Variants in PLPP1 observed in about 807,000 individuals in gnomAD.
PLPP1 encodes phospholipid phosphatase 1, also known as lipid phosphate phosphohydrolase 1a.
Under a neutral mutation model 31.2 loss-of-function variants are expected in PLPP1, and 24 were observed. That is an observed-to-expected ratio of 0.77 (90% CI 0.56 to 1.08). PLPP1 has a LOEUF of 1.08. PLPP1 is among the 50% of genes least tolerant of loss of function. The pLI is 0.00. For missense variants in PLPP1, 319 were observed against 342.7 expected, an observed-to-expected ratio of 0.93 and a Z score of 0.55; for synonymous variants, 146 against 126.3, an observed-to-expected ratio of 1.16 and a Z score of -1.05.
chr5:55,528,937 A>C (rs1208317771), intron 1 of PLPP1, among the ~76,000 whole-genome samples: 1 of 152,118 alleles, frequency 6.6e-6, no homozygotes, highest in Non-Finnish European at 1.5e-5. Flanking sequence ...GAACATACCC[A>C]ATTTTGACTA....
intron 2 of PLPP1, among the ~76,000 whole-genome samples, chr5:55,470,024 C>T (rs1433811480): frequency 6.6e-6 from 1 of 152,138 alleles, no homozygotes; most frequent in Admixed American, 6.5e-5. Flanking sequence ...TAATTATAGT[C>T]CTTAACATGA....
rs766819694 is a variant in PLPP1, at chr5:55,468,125, CAG to C, written c.233_234del (p.Ser78CysfsTer4). 2 of 1,602,560 alleles carry C rather than the reference CAG, an allele frequency of 1.2e-6. No homozygotes were observed. Among genetic ancestry groups the C allele is most frequent in the Non-Finnish European group, 1.7e-6 (2 of 1,173,620 alleles). On this transcript the variant is annotated frameshift_variant, in exon 3 of 6. Transcript: ENST00000307259. LOFTEE classifies it high-confidence loss of function. Reference protein sequence around the residue: ...IIVIILGETLSVYCNLLHSNS... With the variant: ...IIVIILGETLXVYCNLLHSNS... ...TTTGAGTGCAAAAGGTTACAGTAAA[CAG>C]ACAGGGTTTCTCCAAGAATAATCTG...
chr5:55,458,565 G>GAACA (rs1330458711), intron 3 of PLPP1, among the ~76,000 whole-genome samples: 1 of 152,018 alleles, frequency 6.6e-6, no homozygotes, highest in Non-Finnish European at 1.5e-5. Context: ...AGTATAGGAA[G>GAACA]AACAGTAACA....
chr5:55,523,337 A>AT (rs1026647058), intron 1 of PLPP1, among the ~76,000 whole-genome samples: 1 of 151,970 alleles, frequency 6.6e-6, no homozygotes, highest in Non-Finnish European at 1.5e-5. Flanking sequence ...CATTCTACCT[A>AT]TTTTTTGTAC....
intron 3 of PLPP1, among the ~76,000 whole-genome samples, chr5:55,465,377 T>C (rs144136705): frequency 6.6e-6 from 1 of 152,118 alleles, no homozygotes; most frequent in Non-Finnish European, 1.5e-5. Flanking sequence ...ATTGCATTCA[T>C]AAATATGTAT....
chr5:55,438,590 G>A (rs1335821127), intron 4 of PLPP1, among the ~76,000 whole-genome samples: 2 of 152,108 alleles, frequency 1.3e-5, no homozygotes, highest in Non-Finnish European at 2.9e-5. Context: ...GAATTCGGGG[G>A]TGGGGCTTAG....
Position 55,491,095 on chromosome 5 carries a change from A to G in PLPP1, c.59-15645T>C, listed in dbSNP as rs774515762. 1.9e-6 allele frequency: 3 copies of G among 1,613,794 alleles called. No individual in the cohort carries two copies. In the South Asian group the frequency reaches 3.3e-5, roughly 18 times the overall value. On this transcript the variant is annotated intron_variant, in intron 1 of 5. Coordinates refer to ENST00000307259, the MANE Select transcript of PLPP1 (RefSeq NM_003711.4). ...ATGGATATATTTGGCCCAATTTTAGAACAGCCATAGGCATGGAAGCTGTTG... is the reference window on the plus strand; with the variant it reads ...ATGGATATATTTGGCCCAATTTTAGGACAGCCATAGGCATGGAAGCTGTTG...
intron 1 of PLPP1, among the ~76,000 whole-genome samples, chr5:55,478,262 C>T (rs1752599403): frequency 6.6e-6 from 1 of 151,998 alleles, no homozygotes; most frequent in Non-Finnish European, 1.5e-5. Flanking sequence ...AAACCCCATA[C>T]AAAGGATAAT....
At chr5:55,467,718 T>C in intron 3 of PLPP1, 151 bp downstream of exon 3, 1 of 823,314 alleles carries the variant, frequency 1.2e-6, no homozygotes, top group Non-Finnish European at 1.8e-6. Flanking sequence ...AAAGGCATGA[T>C]GAGAGAGAAC....
At chr5:55,508,878 T>A (rs971861618) in intron 1 of PLPP1, 2 of 154,144 alleles carry the variant, frequency 1.3e-5, no homozygotes, top group Non-Finnish European at 2.9e-5. Flanking sequence ...TAAAACGTTC[T>A]AAATAAAGTG....
intron 1 of PLPP1, among the ~76,000 whole-genome samples, chr5:55,496,858 C>T (rs2111868892): frequency 6.6e-6 from 1 of 152,236 alleles, no homozygotes; most frequent in African/African-American, 2.4e-5. Flanking sequence ...ATATGTCATA[C>T]ATACTTCCTC....
intron 1 of PLPP1, 47 bp from the exon 2 acceptor site, chr5:55,475,497 A>G (rs1210998549): frequency 1.3e-6 from 2 of 1,486,466 alleles, no homozygotes; most frequent in Non-Finnish European, 9.1e-7. Context: ...AGAAATATCA[A>G]AACTAATTAA....
chr5:55,432,202 CAA>C (rs1431738449), intron 4 of PLPP1, among the ~76,000 whole-genome samples: 1 of 151,338 alleles, frequency 6.6e-6, no homozygotes, highest in Non-Finnish European at 1.5e-5. Context: ...CTCGGCCTCT[CAA>C]AGTCCTGGGA....
At chr5:55,465,833 T>TA (rs969487941) in intron 3 of PLPP1, among the ~76,000 whole-genome samples, 78 of 152,300 alleles carry the variant, frequency 5.1e-4, no homozygotes, top group African/African-American at 1.9e-3. Flanking sequence ...GCTCTACTGT[T>TA]AAAGTCTTCT....
At chr5:55,450,589 C>T (rs552371037) in intron 3 of PLPP1, among the ~76,000 whole-genome samples, 7 of 152,172 alleles carry the variant, frequency 4.6e-5, no homozygotes, top group Non-Finnish European at 8.8e-5. Context: ...GAGGCTGTGA[C>T]GAAGGCTGCT....
intron 1 of PLPP1, among the ~76,000 whole-genome samples, chr5:55,511,666 T>G (rs1489785322): frequency 8.0e-6 from 1 of 124,782 alleles, no homozygotes; most frequent in South Asian, 3.0e-4. Flanking sequence ...TTTTTTTTTT[T>G]TTTTTTTTTT....
chr5:55,431,386 G>C (rs918765068), intron 4 of PLPP1, among the ~76,000 whole-genome samples: 5 of 152,162 alleles, frequency 3.3e-5, no homozygotes, highest in Non-Finnish European at 7.3e-5. Flanking sequence ...ATGGGATGAT[G>C]TATTGAATGT....
chr5:55,511,703 G>T (rs542521885), intron 1 of PLPP1, among the ~76,000 whole-genome samples: 9 of 114,638 alleles, frequency 7.9e-5, no homozygotes, highest in Non-Finnish European at 1.1e-4. Flanking sequence ...TAGCTGTGTC[G>T]CCCAGGCTGG....
At chr5:55,518,450 C>T (rs542287121) in intron 1 of PLPP1, among the ~76,000 whole-genome samples, 7 of 152,210 alleles carry the variant, frequency 4.6e-5, no homozygotes, top group African/African-American at 7.2e-5. Context: ...TGAGAGACCG[C>T]GCCCGGCCTT....
Sources: gnomAD v4.1 joint callset for allele counts (sites outside exome capture counted in the v4.1 genomes callset) on GRCh38, gnomAD v4.1.1 for gene constraint, MANE v1.5 for transcripts, NCBI Gene and HGNC (gene_info 2026-07-23, HGNC 2026-07-21) for gene names.